Variants in PLPPR4 observed in about 807,000 individuals in gnomAD.
The protein encoded by PLPPR4 is phospholipid phosphatase-related protein type 4.
In PLPPR4, 24 loss-of-function variants were observed where a neutral mutation model predicts 56.6. The ratio of observed to expected loss-of-function variants is 0.42; its 90% CI spans 0.31 to 0.60. The LOEUF is 0.60. PLPPR4 is among the 20% of genes least tolerant of loss of function. The probability of loss-of-function intolerance (pLI) is 0.13; values close to 1 mark genes in which losing one functional copy is unlikely to be tolerated. For missense variants in PLPPR4, 654 were observed against 885.8 expected, an observed-to-expected ratio of 0.74 and a Z score of 3.32; for synonymous variants, 326 against 328.1, an observed-to-expected ratio of 0.99 and a Z score of 0.07.
At chr1:99,305,262 A>G (rs923161315) in intron 6 of PLPPR4, among the ~76,000 whole-genome samples, 1 of 152,160 alleles carries the variant, frequency 6.6e-6, no homozygotes, top group Non-Finnish European at 1.5e-5. Context: ...CACTTCTTCT[A>G]CTTTCCATCA....
intron 1 of PLPPR4, among the ~76,000 whole-genome samples, chr1:99,281,828 T>C (rs536071499): frequency 6.6e-6 from 1 of 152,336 alleles, no homozygotes; most frequent in South Asian, 2.1e-4. Context: ...GTTCCAAGCC[T>C]CTCATTTTAA....
chr1:99,270,731 A>G (rs941341892), intron 1 of PLPPR4, among the ~76,000 whole-genome samples: 6 of 152,250 alleles, frequency 3.9e-5, no homozygotes, highest in Non-Finnish European at 7.3e-5. Flanking sequence ...AGTAGGAAAT[A>G]CAAAATCACA....
At chr1:99,301,431 T>C (rs1659881581) in intron 5 of PLPPR4, among the ~76,000 whole-genome samples, 1 of 152,048 alleles carries the variant, frequency 6.6e-6, no homozygotes, top group African/African-American at 2.4e-5. Context: ...GTGAAGTCTT[T>C]CCTGAGAAAA....
intron 6 of PLPPR4, among the ~76,000 whole-genome samples, chr1:99,303,009 A>G (rs138363143): frequency 2.2e-3 from 335 of 152,274 alleles, no homozygotes; most frequent in Middle Eastern, 3.4e-3. Flanking sequence ...AAATGGTTAC[A>G]ACATGTTAAA....
chr1:99,295,234 T>C (rs1440778485), intron 2 of PLPPR4, among the ~76,000 whole-genome samples: 2 of 152,236 alleles, frequency 1.3e-5, no homozygotes, highest in African/African-American at 4.8e-5. Context: ...AGTTCTACTA[T>C]GATAATTACT....
intron 6 of PLPPR4, among the ~76,000 whole-genome samples, chr1:99,303,827 T>A (rs1162574662): frequency 6.6e-6 from 1 of 152,214 alleles, no homozygotes; most frequent in Non-Finnish European, 1.5e-5. Context: ...GTGCCAGGAA[T>A]TGTGCATAAG....
At chr1:99,269,803 G>A (rs1659003600) in intron 1 of PLPPR4, among the ~76,000 whole-genome samples, 1 of 152,220 alleles carries the variant, frequency 6.6e-6, no homozygotes, top group African/African-American at 2.4e-5. Flanking sequence ...GAAATTGCCT[G>A]TTATTCATAC....
rs1262685771 is a variant in PLPPR4, at chr1:99,305,181, CAT to C, written c.823-501_823-500del. Among the ~76,000 whole-genome samples the C allele has an allele frequency of 3.3e-5, 5 of 152,256 alleles. No homozygotes were observed. In the East Asian group the frequency reaches 5.8e-4, roughly 18 times the overall value. On this transcript the variant is annotated intron_variant, in intron 6 of 6. Transcript: ENST00000370185. The stretch of plus-strand genomic sequence containing the variant: ...CTGTAGTCAGTGCGAGTCGTAATAA[CAT>C]ATGTCTCCGACCTTCTTTCAAAACC...
chr1:99,281,291 A>G (rs1326745619), intron 1 of PLPPR4, among the ~76,000 whole-genome samples: 3 of 152,156 alleles, frequency 2.0e-5, no homozygotes, highest in South Asian at 2.1e-4. Flanking sequence ...GTTTCCCTCA[A>G]TCACACTGCC....
At position 99,307,951 on chromosome 1, in the gene PLPPR4, A is replaced by T. The variant is rs982585947; in HGVS notation, c.*941A>T. ...ATGTTCTCCTATTTTAAAAGCAAAA[A>T]TAACAATTGACATTCCTTGAGCAAA... is the stretch of plus-strand genomic sequence containing the variant. On this transcript the variant is annotated 3_prime_UTR_variant, in exon 7 of 7. Transcript: ENST00000370185. 1 of 152,336 alleles carries T rather than the reference A, an allele frequency of 6.6e-6. No individual in the cohort carries two copies. The highest frequency in any genetic ancestry group is 2.1e-4 in the South Asian group (1 of 4,826). The allele number at this position is 152,336 out of a possible 1,614,324, so 9.4% of individuals were successfully genotyped here. A position where few individuals can be genotyped will look rare whatever the true frequency, so the allele number is the denominator to read the frequency against.
intron 1 of PLPPR4, among the ~76,000 whole-genome samples, chr1:99,284,244 G>A (rs752797161): frequency 1.3e-5 from 2 of 152,082 alleles, no homozygotes; most frequent in Non-Finnish European, 2.9e-5. Flanking sequence ...TAACTCTGAA[G>A]ACAATTATGT....
At chr1:99,274,505 G>C (rs1228063218) in intron 1 of PLPPR4, among the ~76,000 whole-genome samples, 1 of 151,906 alleles carries the variant, frequency 6.6e-6, no homozygotes, top group Non-Finnish European at 1.5e-5. Flanking sequence ...GTTTTTTATT[G>C]GTATCACACA....
At chr1:99,298,898 A>T (rs1228223803) in intron 3 of PLPPR4, 137 bp from the exon 4 acceptor site, 2 of 739,430 alleles carry the variant, frequency 2.7e-6, no homozygotes, top group Admixed American at 4.3e-5. Context: ...GGAATTTTCT[A>T]TACTGTCTTC....
At position 99,308,828 on chromosome 1, in the gene PLPPR4, T is replaced by G. The variant is rs2100816307; in HGVS notation, c.*1818T>G. 6.5e-6 allele frequency: 1 copy of G among 152,678 alleles called. No homozygotes were observed. The highest frequency in any genetic ancestry group is 2.1e-4 in the South Asian group (1 of 4,816). 9.5% of individuals were successfully genotyped at this position (152,678 alleles called of 1,614,324 possible). On this transcript the variant is annotated 3_prime_UTR_variant, in exon 7 of 7. Transcript: ENST00000370185. ...GGGGAGTGGGAATAAAATGTTGCCT[T>G]CCCCACTTCTCACCACCACCGCCAT...
At chr1:99,286,637 T>C (rs1022404045) in intron 1 of PLPPR4, among the ~76,000 whole-genome samples, 1 of 151,898 alleles carries the variant, frequency 6.6e-6, no homozygotes, top group Non-Finnish European at 1.5e-5. Context: ...AGCAGTAGTA[T>C]AAAGAGCCAG....
chr1:99,280,057 G>A (rs1454490103), intron 1 of PLPPR4, among the ~76,000 whole-genome samples: 1 of 152,156 alleles, frequency 6.6e-6, no homozygotes, highest in African/African-American at 2.4e-5. Flanking sequence ...AGAATTAAGA[G>A]AAACAGAGTG....
At chr1:99,301,323 G>A (rs867752993) in intron 5 of PLPPR4, among the ~76,000 whole-genome samples, 69 of 151,510 alleles carry the variant, frequency 4.6e-4, no homozygotes, top group Admixed American at 7.9e-4. Flanking sequence ...ACACACGTAC[G>A]CTACTTTAGT....
At chr1:99,269,090 C>A (rs1316078866) in intron 1 of PLPPR4, among the ~76,000 whole-genome samples, 1 of 152,142 alleles carries the variant, frequency 6.6e-6, no homozygotes, top group African/African-American at 2.4e-5. Flanking sequence ...CCCCAACCCC[C>A]ACAGGCCCTG....
At position 99,276,207 on chromosome 1, in the gene PLPPR4, G is replaced by C. The variant is rs182070241; in HGVS notation, c.78+11536G>C. Among the ~76,000 whole-genome samples, 221 of 152,244 alleles carry C rather than the reference G, an allele frequency of 1.5e-3. 2 individuals carry two copies. The highest frequency in any genetic ancestry group is 7.7e-4 in the East Asian group (4 of 5,174). On this transcript the variant is annotated intron_variant, in intron 1 of 6. Transcript: ENST00000370185. The stretch of plus-strand genomic sequence containing the variant: ...GGCATCTAAGTGTGCATCTAAGTGT[G>C]TATAAAGATGTGTATGTAGGAGACA...
Sources: allele counts gnomAD v4.1 joint callset (sites outside exome capture counted in the v4.1 genomes callset), GRCh38; gene constraint gnomAD v4.1.1; transcripts MANE v1.5; gene names NCBI Gene and HGNC (gene_info 2026-07-23, HGNC 2026-07-21).